Variants in KAZN observed in about 807,000 individuals in gnomAD.
KAZN encodes the protein kazrin.
In KAZN, 40 loss-of-function variants were observed where a neutral mutation model predicts 87.4. The ratio of observed to expected loss-of-function variants is 0.46; its 90% CI spans 0.36 to 0.60. KAZN has a LOEUF of 0.60. Among genes scored for constraint, KAZN ranks in the 20% least tolerant of loss-of-function variants. The probability of loss-of-function intolerance (pLI) is 0.00; values close to 1 mark genes in which losing one functional copy is unlikely to be tolerated. For missense variants in KAZN, 898 were observed against 1,073.9 expected (o/e 0.84, Z 2.29); for synonymous variants, 466 against 458.3 (o/e 1.02, Z -0.22).
intron 1 of KAZN, among the ~76,000 whole-genome samples, chr1:14,145,110 A>G (rs988780343): frequency 6.6e-5 from 10 of 151,964 alleles, no homozygotes; most frequent in African/African-American, 2.2e-4. Context: ...CCTTCCCTTC[A>G]TTATTTACGA....
chr1:14,515,988 T>C (rs999803062), intron 2 of KAZN, among the ~76,000 whole-genome samples: 2 of 152,132 alleles, frequency 1.3e-5, no homozygotes, highest in African/African-American at 4.8e-5. Context: ...CCTGTATCAC[T>C]AGGGCCTAAA....
At chr1:13,893,733 A>C in exon 1 of KAZN, 1 of 1,550,552 alleles carries the variant, frequency 6.4e-7, no homozygotes, top group Non-Finnish European at 8.7e-7. Context: ...GTCTTTGGTC[A>C]GCAGTGCCAA....
At chr1:15,084,030 G>T (rs531273663) in intron 8 of KAZN, among the ~76,000 whole-genome samples, 59 of 152,272 alleles carry the variant, frequency 3.9e-4, no homozygotes, top group Non-Finnish European at 8.1e-4. Flanking sequence ...TTTATTCCTG[G>T]GGGAAGGCAA....
chr1:14,838,813 G>A (rs992275240), intron 1 of KAZN, among the ~76,000 whole-genome samples: 2 of 152,150 alleles, frequency 1.3e-5, no homozygotes, highest in Non-Finnish European at 1.5e-5. Context: ...GTAGAGACAA[G>A]GTTTCACTCT....
At chr1:14,644,165 C>G (rs1256093008) in intron 1 of KAZN, among the ~76,000 whole-genome samples, 1 of 151,658 alleles carries the variant, frequency 6.6e-6, no homozygotes, top group Non-Finnish European at 1.5e-5. Flanking sequence ...GTGCCCACCA[C>G]CACGCCCAGC....
chr1:14,091,505 C>T (rs1643992813), intron 1 of KAZN, among the ~76,000 whole-genome samples: 1 of 152,140 alleles, frequency 6.6e-6, no homozygotes, highest in African/African-American at 2.4e-5. Context: ...ATTACTCCAT[C>T]ATGGTCAGAA....
At chr1:14,691,944 A>G (rs1187115466) in intron 1 of KAZN, among the ~76,000 whole-genome samples, 1 of 138,158 alleles carries the variant, frequency 7.2e-6, no homozygotes, top group Non-Finnish European at 1.5e-5. Context: ...TTTTTTTTTT[A>G]CGATGAATTC....
intron 2 of KAZN, among the ~76,000 whole-genome samples, chr1:14,215,923 T>C (rs537104673): frequency 6.6e-5 from 10 of 152,300 alleles, no homozygotes; most frequent in African/African-American, 2.4e-4. Context: ...ATTATATTTC[T>C]TTTTTCCCAG....
At chr1:14,229,543 G>A (rs777292691) in intron 2 of KAZN, among the ~76,000 whole-genome samples, 1 of 152,216 alleles carries the variant, frequency 6.6e-6, no homozygotes, top group Admixed American at 6.5e-5. Context: ...GTTTCCTTTC[G>A]GACCATTAAT....
At chr1:14,860,180 G>A (rs1196739977) in intron 1 of KAZN, among the ~76,000 whole-genome samples, 2 of 138,482 alleles carry the variant, frequency 1.4e-5, no homozygotes, top group Non-Finnish European at 3.1e-5. Flanking sequence ...TCTCTCTCTA[G>A]ATCTCTCTCT....
At chr1:14,527,493 G>C (rs902628949) in intron 2 of KAZN, among the ~76,000 whole-genome samples, 4 of 149,866 alleles carry the variant, frequency 2.7e-5, no homozygotes, top group African/African-American at 9.8e-5. Flanking sequence ...GGGTTGCAGT[G>C]AGCTGAGACC....
chr1:14,507,783 T>C (rs1297097358), intron 2 of KAZN, among the ~76,000 whole-genome samples: 1 of 152,024 alleles, frequency 6.6e-6, no homozygotes, highest in Non-Finnish European at 1.5e-5. Flanking sequence ...TCTGCAGGTC[T>C]AATAAAAATT....
chr1:14,709,092 G>T lies in KAZN; in HGVS notation c.226+109869G>T, dbSNP rs528527304. Reference sequence around the variant, plus strand: ...GTACCCACCAGGCATGGTGCTAGGTGACACACCTGCGTCTGCTCACTGCAT... The same window carrying T: ...GTACCCACCAGGCATGGTGCTAGGTTACACACCTGCGTCTGCTCACTGCAT... On this transcript the variant is annotated intron_variant, in intron 1 of 14. Transcript: ENST00000376030. 2.3e-3 allele frequency among the ~76,000 whole-genome samples: 344 copies of T among 152,236 alleles called. 4 individuals carry two copies. The highest frequency in any genetic ancestry group is 2.5e-4 in the Non-Finnish European group (17 of 68,024).
chr1:13,921,658 C>T (rs529551209), intron 1 of KAZN, among the ~76,000 whole-genome samples: 3 of 152,014 alleles, frequency 2.0e-5, no homozygotes, highest in African/African-American at 7.2e-5. Flanking sequence ...TGGAGTCTTG[C>T]TCTGTTGCCC....
At chr1:14,841,952 TC>T (rs1230537740) in intron 1 of KAZN, among the ~76,000 whole-genome samples, 1 of 152,204 alleles carries the variant, frequency 6.6e-6, no homozygotes, top group Non-Finnish European at 1.5e-5. Flanking sequence ...TGCTGGCTGT[TC>T]CTTTTCCCCA....
At chr1:14,954,031 T>A (rs1662796640) in intron 1 of KAZN, among the ~76,000 whole-genome samples, 1 of 152,164 alleles carries the variant, frequency 6.6e-6, no homozygotes. Flanking sequence ...CCCAGCTCCC[T>A]TTGCCACCTG....
chr1:15,044,077 C>G lies in KAZN; in HGVS notation c.644C>G (p.Ala215Gly). Reference protein sequence around the residue: ...KWELRRQAKEATDHATALRSQ... With the variant: ...KWELRRQAKEGTDHATALRSQ... ...GAGCTGCGGCGCCAAGCCAAGGAGG[C>G]CACAGACCACGCCACGGCACTGCGC... is the stretch of plus-strand genomic sequence containing the variant. Residue 215 changes from alanine to glycine, a missense_variant, in exon 4 of 15, where the codon GCC becomes GGC. Ala to Gly is a moderately conservative substitution (Grantham distance 60, BLOSUM62 0). Transcript: ENST00000376030. The G allele has an allele frequency of 2.5e-6, 4 of 1,612,886 alleles. No individual in the cohort carries two copies. Among genetic ancestry groups the G allele is most frequent in the Non-Finnish European group, 3.4e-6 (4 of 1,179,836 alleles).
At chr1:14,663,424 C>T (rs1639320237) in intron 1 of KAZN, among the ~76,000 whole-genome samples, 1 of 152,162 alleles carries the variant, frequency 6.6e-6, no homozygotes, top group Non-Finnish European at 1.5e-5. Flanking sequence ...TACAGAAGCA[C>T]TTTTTTCCTT....
chr1:14,711,079 G>A (rs140826226), intron 1 of KAZN, among the ~76,000 whole-genome samples: 44 of 152,314 alleles, frequency 2.9e-4, no homozygotes, highest in African/African-American at 9.9e-4. Context: ...TGTAGACCCA[G>A]CTACTTGGGA....
Sources: gnomAD v4.1 joint callset for allele counts (sites outside exome capture counted in the v4.1 genomes callset) on GRCh38, gnomAD v4.1.1 for gene constraint, MANE v1.5 for transcripts, NCBI Gene and HGNC (gene_info 2026-07-23, HGNC 2026-07-21) for gene names.